Variants in WWOX observed in about 807,000 individuals in gnomAD.
WWOX encodes WW domain-containing oxidoreductase.
Under a neutral mutation model 46.2 loss-of-function variants are expected in WWOX, and 69 were observed. That is an observed-to-expected ratio of 1.49 (90% confidence interval 1.23 to 1.82). The LOEUF (loss-of-function observed/expected upper bound fraction) is 1.82, where lower values mean the gene tolerates loss of function less well. Ranked by LOEUF, WWOX falls within the 40% of genes most tolerant of loss-of-function variation. The pLI is 0.00. For synonymous variants in WWOX, 359 were observed against 202.6 expected, an observed-to-expected ratio of 1.77 and a Z score of -6.56; for missense variants, 919 against 542.6, an observed-to-expected ratio of 1.69 and a Z score of -6.89.
chr16:78,284,364 G>A (rs1445890219), intron 5 of WWOX, among the ~76,000 whole-genome samples: 2 of 152,200 alleles, frequency 1.3e-5, no homozygotes, highest in Non-Finnish European at 2.9e-5. Context: ...CACCTTAAGT[G>A]CTGGCTTTCT....
intron 8 of WWOX, among the ~76,000 whole-genome samples, chr16:78,937,315 T>C (rs983845098): frequency 6.6e-6 from 1 of 152,140 alleles, no homozygotes; most frequent in Non-Finnish European, 1.5e-5. Flanking sequence ...CATCTTTAAT[T>C]ATGCTAATTT....
chr16:78,227,604 CG>C (rs2037107828), intron 5 of WWOX, among the ~76,000 whole-genome samples: 1 of 152,038 alleles, frequency 6.6e-6, no homozygotes, highest in Non-Finnish European at 1.5e-5. Context: ...GGGCCGGATG[CG>C]GTGGCTCACA....
At chr16:78,659,674 C>G (rs2047168312) in intron 8 of WWOX, among the ~76,000 whole-genome samples, 1 of 152,266 alleles carries the variant, frequency 6.6e-6, no homozygotes, top group East Asian at 1.9e-4. Context: ...GTTTACTTTT[C>G]TAAAGGAGCC....
intron 8 of WWOX, among the ~76,000 whole-genome samples, chr16:78,495,322 G>A (rs2084888978): frequency 1.3e-5 from 2 of 151,776 alleles, no homozygotes; most frequent in African/African-American, 4.8e-5. Flanking sequence ...TGTATTTTTA[G>A]TATAGACGGG....
intron 8 of WWOX, among the ~76,000 whole-genome samples, chr16:79,039,105 A>G (rs573298429): frequency 1.3e-5 from 2 of 152,318 alleles, no homozygotes; most frequent in East Asian, 3.9e-4. Flanking sequence ...TGCATTAAAA[A>G]AAATTAAAGA....
chr16:79,155,827 A>G (rs13335506), intron 8 of WWOX, among the ~76,000 whole-genome samples: 9,342 of 151,982 alleles, frequency 0.061, 826 homozygotes, highest in African/African-American at 0.19. Flanking sequence ...GGTGCCTAGC[A>G]TGGTGTCAGG....
chr16:78,502,557 A>G (rs2085096672), intron 8 of WWOX, among the ~76,000 whole-genome samples: 1 of 152,198 alleles, frequency 6.6e-6, no homozygotes. Flanking sequence ...CATTGTATGG[A>G]TATACCACAT....
chr16:79,080,071 G>A (rs143184818), intron 8 of WWOX, among the ~76,000 whole-genome samples: 1 of 152,280 alleles, frequency 6.6e-6, no homozygotes, highest in African/African-American at 2.4e-5. Context: ...AAAAATCATG[G>A]CCCTCATGGA....
In WWOX at chr16:78,950,860, C is replaced by G. The variant is rs982556540; in HGVS notation, c.1057-260748C>G. 3.9e-5 allele frequency among the ~76,000 whole-genome samples: 6 copies of G among 152,242 alleles called. No individual in the cohort carries two copies. The East Asian group carries it at 1.2e-3, about 29-fold the overall frequency. ...GAAGCAGGGGCTCTGATTGTCTCTT[C>G]TTATTATAGTGCAAGGTGTTTGGCA... On this transcript the variant is annotated intron_variant, in intron 8 of 8. Coordinates refer to ENST00000566780, the MANE Select transcript of WWOX (RefSeq NM_016373.4).
intron 8 of WWOX, among the ~76,000 whole-genome samples, chr16:78,902,306 T>C (rs1397396362): frequency 6.6e-6 from 1 of 152,204 alleles, no homozygotes; most frequent in Non-Finnish European, 1.5e-5. Context: ...TGCAGCATAA[T>C]TGATATTACA....
intron 5 of WWOX, among the ~76,000 whole-genome samples, chr16:78,244,357 C>G (rs907281223): frequency 7.2e-6 from 1 of 138,264 alleles, no homozygotes; most frequent in African/African-American, 2.9e-5. Flanking sequence ...CATGTATTGC[C>G]TCATTTAAAC....
At chr16:78,877,770 A>T (rs2044263767) in intron 8 of WWOX, among the ~76,000 whole-genome samples, 1 of 152,190 alleles carries the variant, frequency 6.6e-6, no homozygotes, top group Admixed American at 6.5e-5. Context: ...GACAATATTT[A>T]TTGGAGGAAT....
At chr16:78,948,581 C>T (rs1471387559) in intron 8 of WWOX, among the ~76,000 whole-genome samples, 2 of 152,058 alleles carry the variant, frequency 1.3e-5, no homozygotes, top group Admixed American at 6.6e-5. Context: ...GCTGCCTCCT[C>T]ATCCCTCTGG....
intron 8 of WWOX, among the ~76,000 whole-genome samples, chr16:78,997,514 T>C (rs562478660): frequency 1.3e-5 from 2 of 152,202 alleles, no homozygotes; most frequent in Admixed American, 6.5e-5. Context: ...TTTTACACTT[T>C]CATTGCCCTT....
chr16:78,529,571 A>G (rs960529764), intron 8 of WWOX, among the ~76,000 whole-genome samples: 1 of 152,000 alleles, frequency 6.6e-6, no homozygotes, highest in African/African-American at 2.4e-5. Flanking sequence ...AGTTCAAGCG[A>G]TTCTTCTGCC....
chr16:79,206,747 T>C (rs58406349), intron 8 of WWOX: 24,533 of 152,214 alleles, frequency 0.16, 2,223 homozygotes, highest in East Asian at 0.27. Flanking sequence ...AATTGTATAA[T>C]TTCATTATAG....
At chr16:78,913,519 G>T (rs1225973417) in intron 8 of WWOX, among the ~76,000 whole-genome samples, 2 of 151,910 alleles carry the variant, frequency 1.3e-5, no homozygotes, top group South Asian at 2.1e-4. Flanking sequence ...ATAGAGCCAG[G>T]GTCCCTGAGT....
At chr16:78,240,257 T>C (rs993342459) in intron 5 of WWOX, among the ~76,000 whole-genome samples, 2 of 151,364 alleles carry the variant, frequency 1.3e-5, no homozygotes, top group African/African-American at 4.9e-5. Flanking sequence ...GGAGGGGGCA[T>C]CACTTGAGCC....
intron 8 of WWOX, among the ~76,000 whole-genome samples, chr16:78,641,788 G>A (rs1330919800): frequency 6.6e-6 from 1 of 152,148 alleles, no homozygotes; most frequent in East Asian, 1.9e-4. Context: ...CCACTCGCCT[G>A]GGTCATTGAA....
Sources: allele counts gnomAD v4.1 joint callset (sites outside exome capture counted in the v4.1 genomes callset), GRCh38; gene constraint gnomAD v4.1.1; transcripts MANE v1.5; gene names NCBI Gene and HGNC (gene_info 2026-07-23, HGNC 2026-07-21).